Variants in ASXL3 observed in about 807,000 individuals in gnomAD.
The protein encoded by ASXL3 is ASXL transcriptional regulator 3.
ASXL3 carries 34 observed loss-of-function variants against 170.6 expected under a neutral mutation model. The observed-to-expected ratio is 0.20, with a 90% CI of 0.15 to 0.27. The LOEUF (loss-of-function observed/expected upper bound fraction) is 0.27, where lower values mean the gene tolerates loss of function less well. Among genes scored for constraint, ASXL3 ranks in the 10% least tolerant of loss-of-function variants. ASXL3 has a pLI of 1.00. For missense variants in ASXL3, 2,592 were observed against 2,695.3 expected, an observed-to-expected ratio of 0.96 and a Z score of 0.85; for synonymous variants, 1,002 against 989.1, an observed-to-expected ratio of 1.01 and a Z score of -0.24.
At chr18:33,581,021 A>G (rs1261665798) in intron 1 of ASXL3, among the ~76,000 whole-genome samples, 4 of 152,154 alleles carry the variant, frequency 2.6e-5, no homozygotes, top group Admixed American at 1.3e-4. Flanking sequence ...AAATTGATCC[A>G]TTTGGTTAAC....
At chr18:33,608,880 A>G (rs1232162139) in intron 2 of ASXL3, among the ~76,000 whole-genome samples, 2 of 151,980 alleles carry the variant, frequency 1.3e-5, no homozygotes, top group African/African-American at 2.4e-5. Flanking sequence ...TAGCTGTTTA[A>G]AATGTATTAT....
intron 4 of ASXL3, among the ~76,000 whole-genome samples, chr18:33,654,820 T>C (rs1272298992): frequency 6.6e-6 from 1 of 152,110 alleles, no homozygotes; most frequent in African/African-American, 2.4e-5. Context: ...TAAAGGCTGG[T>C]AACTACAATA....
At chr18:33,619,387 A>G (rs558181618) in intron 2 of ASXL3, among the ~76,000 whole-genome samples, 25 of 152,182 alleles carry the variant, frequency 1.6e-4, no homozygotes, top group Middle Eastern at 3.4e-3. Context: ...GGTTTGTCAA[A>G]GACAGGTATG....
intron 8 of ASXL3, among the ~76,000 whole-genome samples, chr18:33,708,712 G>A (rs2067005155): frequency 6.6e-6 from 1 of 152,160 alleles, no homozygotes; most frequent in African/African-American, 2.4e-5. Context: ...TCTAGAAATT[G>A]CCAAATGGTT....
chr18:33,651,954 A>G (rs2066005522), intron 4 of ASXL3, among the ~76,000 whole-genome samples: 1 of 152,134 alleles, frequency 6.6e-6, no homozygotes, highest in Non-Finnish European at 1.5e-5. Flanking sequence ...TACAAGACAC[A>G]GAACTATGGT....
Position 33,743,028 on chromosome 18 carries a change from G to T in ASXL3, c.3180G>T (p.Arg1060=). ...GARTLADIKA[R]AQQARAQREA... ...GGACCCTCGCAGATATCAAGGCCCG[G>T]GCCCAACAAGCTCGGGCCCAGCGAG... is the stretch of plus-strand genomic sequence containing the variant. Residue 1060 remains arginine (R), a synonymous_variant, in exon 12 of 12, where the codon CGG becomes CGT. Coordinates refer to ENST00000269197, the MANE Select transcript of ASXL3 (RefSeq NM_030632.3). 1 of 1,613,832 alleles carries T rather than the reference G, an allele frequency of 6.2e-7. No individual in the cohort carries two copies. The highest frequency in any genetic ancestry group is 1.3e-5 in the African/African-American group (1 of 74,988).
At position 33,750,627 on chromosome 18, in the gene ASXL3, T is replaced by C. The variant is rs1397207333; in HGVS notation, c.*4032T>C. On this transcript the variant is annotated 3_prime_UTR_variant, in exon 12 of 12. Coordinates refer to ENST00000269197, the MANE Select transcript of ASXL3 (RefSeq NM_030632.3). ...CATCTGTTTGACATTAGCCATTTAA[T>C]GCCTTTTTTAAAGGCGGTATTACTC... 6.6e-6 allele frequency: 1 copy of C among 152,006 alleles called. No homozygotes were observed. The highest frequency in any genetic ancestry group is 1.9e-4 in the East Asian group (1 of 5,174). The allele number at this position is 152,006 out of a possible 1,614,324, so 9.4% of individuals were successfully genotyped here.
chr18:33,672,639 T>C (rs2066361816), intron 7 of ASXL3, among the ~76,000 whole-genome samples: 1 of 152,236 alleles, frequency 6.6e-6, no homozygotes, highest in African/African-American at 2.4e-5. Flanking sequence ...CCTGGATCGT[T>C]ACAATATTTT....
chr18:33,717,637 G>C (rs1270282938), intron 8 of ASXL3, among the ~76,000 whole-genome samples: 1 of 152,070 alleles, frequency 6.6e-6, no homozygotes, highest in Non-Finnish European at 1.5e-5. Context: ...ACTGTGACTT[G>C]TTGGGTTACT....
At chr18:33,644,751 T>A in intron 2 of ASXL3, 143 bp from the exon 3 acceptor site, 2 of 469,158 alleles carry the variant, frequency 4.3e-6, no homozygotes, top group Non-Finnish European at 7.4e-6. Flanking sequence ...GTTGAGAGGG[T>A]ATTTTTAAAA....
rs988481785 is a variant in ASXL3, at chr18:33,740,446, A to G, written c.3039+3A>G. 6.5e-7 allele frequency: 1 copy of G among 1,528,748 alleles called. No homozygotes were observed. The highest frequency in any genetic ancestry group is 2.3e-5 in the East Asian group (1 of 44,054). 94.7% of individuals were successfully genotyped at this position (1,528,748 alleles called of 1,614,324 possible). ...AACCAAGGGTTCCCCCTCTCAAGGTATGGTATTAAATAAACAAAAGGCAAT... is the reference window on the plus strand; with the variant it reads ...AACCAAGGGTTCCCCCTCTCAAGGTGTGGTATTAAATAAACAAAAGGCAAT... On this transcript the variant is annotated splice_donor_region_variant and intron_variant, in intron 11 of 11. Transcript: ENST00000269197.
chr18:33,706,786 T>C (rs551005642), intron 8 of ASXL3, among the ~76,000 whole-genome samples: 1 of 152,014 alleles, frequency 6.6e-6, no homozygotes, highest in African/African-American at 2.4e-5. Flanking sequence ...CTTTTGATTC[T>C]CTAAGTGTTG....
At chr18:33,663,305 C>G (rs1162415680) in intron 5 of ASXL3, among the ~76,000 whole-genome samples, 3 of 152,092 alleles carry the variant, frequency 2.0e-5, no homozygotes, top group Non-Finnish European at 4.4e-5. Context: ...ATAAATGAAA[C>G]TCATACTTCT....
At chr18:33,631,025 A>C (rs2065668988) in intron 2 of ASXL3, among the ~76,000 whole-genome samples, 1 of 152,068 alleles carries the variant, frequency 6.6e-6, no homozygotes, top group Non-Finnish European at 1.5e-5. Flanking sequence ...TGACAGGGAA[A>C]TAACTTCACA....
At chr18:33,730,173 C>T (rs2067419547) in intron 8 of ASXL3, among the ~76,000 whole-genome samples, 1 of 151,982 alleles carries the variant, frequency 6.6e-6, no homozygotes, top group South Asian at 2.1e-4. Context: ...GGGAGTTGCT[C>T]CTGGGATCTA....
chr18:33,664,255 C>A (rs1037696513), intron 5 of ASXL3, among the ~76,000 whole-genome samples: 2 of 152,280 alleles, frequency 1.3e-5, no homozygotes, highest in African/African-American at 4.8e-5. Flanking sequence ...ATGTTTGAAT[C>A]CAGAACCGTA....
chr18:33,600,845 CAG>C (rs1491209924), intron 1 of ASXL3, among the ~76,000 whole-genome samples: 24 of 152,252 alleles, frequency 1.6e-4, no homozygotes, highest in African/African-American at 5.1e-4. Context: ...TGCTATAAAA[CAG>C]AGTTTCCTTC....
intron 8 of ASXL3, among the ~76,000 whole-genome samples, chr18:33,692,892 G>A (rs1383009857): frequency 2.0e-5 from 3 of 152,256 alleles, no homozygotes; most frequent in African/African-American, 7.2e-5. Context: ...TCTGCAGCCC[G>A]GGTGGCTTAC....
In ASXL3 at chr18:33,578,643, G is replaced by T; in HGVS notation, c.12G>T (p.Lys4Asn). Residue 4 changes from lysine to asparagine, a missense_variant, in exon 1 of 12, where the codon AAG becomes AAT. Transcript: ENST00000269197. Reference protein sequence around the residue: MKDKRKKKDRTWAE... With the variant: MKDNRKKKDRTWAE... ...AATGAGATGCAAACATGAAAGACAA[G>T]AGGAAGAAGAAGGACCGCACCTGGG... is the stretch of plus-strand genomic sequence containing the variant. 2 of 1,362,052 alleles carry T rather than the reference G, an allele frequency of 1.5e-6. No homozygotes were observed. Among genetic ancestry groups the T allele is most frequent in the Non-Finnish European group, 1.9e-6 (2 of 1,031,372 alleles). 84.4% of individuals were successfully genotyped at this position (1,362,052 alleles called of 1,614,324 possible).
Sources: gnomAD v4.1 joint callset for allele counts (sites outside exome capture counted in the v4.1 genomes callset) on GRCh38, gnomAD v4.1.1 for gene constraint, MANE v1.5 for transcripts, NCBI Gene and HGNC (gene_info 2026-07-23, HGNC 2026-07-21) for gene names.